Variants in WRN observed in about 807,000 individuals in gnomAD.
The protein encoded by WRN is bifunctional 3'-5' exonuclease/ATP-dependent helicase WRN.
In WRN, 149 loss-of-function variants were observed where a neutral mutation model predicts 180.7. That is an observed-to-expected ratio of 0.82 (90% confidence interval 0.72 to 0.94). The LOEUF (loss-of-function observed/expected upper bound fraction) is 0.94, where lower values mean the gene tolerates loss of function less well. WRN is among the 40% of genes least tolerant of loss of function. WRN has a pLI of 0.00. For missense variants in WRN, 1,661 were observed against 1,700.1 expected, an observed-to-expected ratio of 0.98 and a Z score of 0.40; for synonymous variants, 548 against 568.9, an observed-to-expected ratio of 0.96 and a Z score of 0.52.
intron 11 of WRN, among the ~76,000 whole-genome samples, chr8:31,087,384 A>T (rs1813573043): frequency 6.6e-6 from 1 of 152,228 alleles, no homozygotes; most frequent in South Asian, 2.1e-4. Flanking sequence ...AATGCGACTG[A>T]CACATGATAT....
chr8:31,147,260 T>C, intron 29 of WRN, 104 bp from the exon 30 acceptor site: 4 of 1,458,418 alleles, frequency 2.7e-6, no homozygotes. Context: ...TATTTCAGTT[T>C]ATATTCATTC....
At chr8:31,109,417 C>T (rs1348416089) in intron 18 of WRN, among the ~76,000 whole-genome samples, 2 of 152,012 alleles carry the variant, frequency 1.3e-5, no homozygotes, top group African/African-American at 4.8e-5. Flanking sequence ...TACCAGATTG[C>T]TGGAATAGGG....
chr8:31,160,832 A>G (rs1376149309), intron 33 of WRN, among the ~76,000 whole-genome samples: 1 of 151,842 alleles, frequency 6.6e-6, no homozygotes, highest in African/African-American at 2.4e-5. Flanking sequence ...AAAAATACCA[A>G]AATTAGCTGG....
chr8:31,166,493 T>C (rs1440326172), intron 33 of WRN, among the ~76,000 whole-genome samples: 1 of 152,176 alleles, frequency 6.6e-6, no homozygotes. Flanking sequence ...ATCTAGTTAA[T>C]GTGCTTTTAA....
chr8:31,119,158 C>G (rs1801625581), intron 20 of WRN, among the ~76,000 whole-genome samples: 1 of 151,612 alleles, frequency 6.6e-6, no homozygotes, highest in African/African-American at 2.4e-5. Flanking sequence ...CAGCATTTTC[C>G]TCCTTTCCTC....
chr8:31,136,611 G>A lies in WRN; in HGVS notation c.2967+4105G>A, dbSNP rs890781848. On this transcript the variant is annotated intron_variant, in intron 24 of 34. Coordinates refer to ENST00000298139, the MANE Select transcript of WRN (RefSeq NM_000553.6). ...GCACTTTTGGGAAGCCGAGGTGGGG[G>A]GATTGCTCGAGACCAGGAGTTCAAG... 5.3e-5 allele frequency among the ~76,000 whole-genome samples: 8 copies of A among 152,098 alleles called. 1 individual carries two copies. In the South Asian group the frequency reaches 1.4e-3, roughly 28 times the overall value.
At chr8:31,109,156 A>C (rs1801208286) in intron 18 of WRN, among the ~76,000 whole-genome samples, 1 of 152,214 alleles carries the variant, frequency 6.6e-6, no homozygotes, top group African/African-American at 2.4e-5. Context: ...CCAGACAGCA[A>C]CATGCAAGAA....
intron 14 of WRN, 47 bp downstream of exon 14, chr8:31,090,579 TA>T: frequency 6.4e-7 from 1 of 1,552,692 alleles, no homozygotes; most frequent in South Asian, 1.1e-5. Context: ...AAATAAAACA[TA>T]AAGAGTTTGA....
intron 33 of WRN, 120 bp from the exon 34 acceptor site, chr8:31,166,902 C>G (rs898037268): frequency 9.7e-7 from 1 of 1,030,704 alleles, no homozygotes; most frequent in South Asian, 1.7e-5. Context: ...AAAGAGGAAA[C>G]TTTTCTTTGG....
At chr8:31,084,678 A>G (rs370110166) in intron 10 of WRN, among the ~76,000 whole-genome samples, 68 of 152,212 alleles carry the variant, frequency 4.5e-4, no homozygotes, top group African/African-American at 1.6e-3. Context: ...CTCTGACACT[A>G]TTTTTCAATT....
chr8:31,115,204 G>T (rs1476009496), intron 19 of WRN, among the ~76,000 whole-genome samples: 1 of 152,106 alleles, frequency 6.6e-6, no homozygotes, highest in Non-Finnish European at 1.5e-5. Flanking sequence ...CTTAAAATAA[G>T]ATTTTTATAC....
At chr8:31,053,479 C>A (rs28708415) in intron 1 of WRN, among the ~76,000 whole-genome samples, 1 of 152,054 alleles carries the variant, frequency 6.6e-6, no homozygotes, top group Non-Finnish European at 1.5e-5. Context: ...TGAAGAAATG[C>A]GGTGAGCTAT....
At chr8:31,087,474 T>C (rs1813576502) in intron 11 of WRN, among the ~76,000 whole-genome samples, 1 of 152,218 alleles carries the variant, frequency 6.6e-6, no homozygotes, top group Non-Finnish European at 1.5e-5. Context: ...CAATAAAGAA[T>C]AAAATGTTTT....
chr8:31,143,915 C>T lies in WRN; in HGVS notation c.3383+292C>T, dbSNP rs115616247. ...GAGTCTAACAGCTGTTACTATTTAT[C>T]GCCATTTTATAGTTGAAGATACCAA... is the stretch of plus-strand genomic sequence containing the variant. On this transcript the variant is annotated intron_variant, in intron 28 of 34. Transcript: ENST00000298139. Among the ~76,000 whole-genome samples, 410 of 152,184 alleles carry T rather than the reference C, an allele frequency of 2.7e-3. 2 individuals carry two copies. The highest frequency in any genetic ancestry group is 9.0e-3 in the African/African-American group (373 of 41,518).
Position 31,096,806 on chromosome 8 carries a change from G to A in WRN, c.1937G>A (p.Cys646Tyr), listed in dbSNP as rs916536455. The change falls in exon 17 of 35, where the codon TGT becomes TAT. Residue 646 changes from cysteine to tyrosine, a missense_variant. By Grantham distance (194) the Cys-to-Tyr change is radical. Coordinates refer to ENST00000298139, the MANE Select transcript of WRN (RefSeq NM_000553.6). ...YRIVYVTPEY[C>Y]SGNMGLLQQL... ...ATTGTATACGTAACTCCAGAATACT[G>A]TTCAGGTAACATGGGCCTGCTCCAG... 1.4e-5 allele frequency: 22 copies of A among 1,608,440 alleles called. No homozygotes were observed. The highest frequency in any genetic ancestry group is 1.7e-5 in the Non-Finnish European group (20 of 1,178,926).
At chr8:31,116,177 T>A (rs1047600486) in intron 19 of WRN, among the ~76,000 whole-genome samples, 177 bp from the exon 20 acceptor site, 1 of 152,226 alleles carries the variant, frequency 6.6e-6, no homozygotes, top group African/African-American at 2.4e-5. Flanking sequence ...GATATTTGAT[T>A]CTCCATAATG....
chr8:31,145,422 C>A (rs1437914977), intron 28 of WRN, among the ~76,000 whole-genome samples: 1 of 152,124 alleles, frequency 6.6e-6, no homozygotes, highest in Non-Finnish European at 1.5e-5. Flanking sequence ...CTTGATGATA[C>A]CTGTTTACAG....
At chr8:31,038,686 T>C (rs1457992932) in intron 1 of WRN, among the ~76,000 whole-genome samples, 1 of 152,206 alleles carries the variant, frequency 6.6e-6, no homozygotes, top group African/African-American at 2.4e-5. Context: ...ATAGTTTTAC[T>C]TTTTCTATTG....
At chr8:31,113,067 A>G (rs961092557) in intron 19 of WRN, among the ~76,000 whole-genome samples, 8 of 150,572 alleles carry the variant, frequency 5.3e-5, no homozygotes, top group East Asian at 2.0e-4. Flanking sequence ...TTAGCTGGGC[A>G]TGGTGGTGCA....
Sources: allele counts gnomAD v4.1 joint callset (sites outside exome capture counted in the v4.1 genomes callset), GRCh38; gene constraint gnomAD v4.1.1; transcripts MANE v1.5; gene names NCBI Gene and HGNC (gene_info 2026-07-23, HGNC 2026-07-21).